SLC24A2: variants seen among roughly 807,000 people sequenced by gnomAD.
SLC24A2 encodes the protein solute carrier family 24 member 2.
SLC24A2 carries 36 observed loss-of-function variants against 62.0 expected under a neutral mutation model. That is an observed-to-expected ratio of 0.58 (90% confidence interval 0.44 to 0.77). The LOEUF is 0.77. Ranked by LOEUF, SLC24A2 falls within the 30% of genes least tolerant of loss-of-function variation. SLC24A2 has a pLI of 0.00. For synonymous variants in SLC24A2, 358 were observed against 294.0 expected (o/e 1.22, Z -2.23); for missense variants, 846 against 817.9 (o/e 1.03, Z -0.42).
chr9:19,717,688 T>C (rs1054524815), intron 2 of SLC24A2, among the ~76,000 whole-genome samples: 3 of 152,230 alleles, frequency 2.0e-5, no homozygotes, highest in African/African-American at 7.2e-5. Context: ...CCTAATCTAT[T>C]GCTTGAGATT....
At chr9:20,270,576 C>T in the SLC24A2 span, among the ~76,000 whole-genome samples, 1 of 152,136 alleles carries the variant, frequency 6.6e-6, no homozygotes, top group South Asian at 2.1e-4. Context: ...CAAGGTATTT[C>T]CCTAAAATAA....
intron 2 of SLC24A2, among the ~76,000 whole-genome samples, chr9:19,767,640 T>C (rs1229894565): frequency 6.6e-6 from 1 of 152,194 alleles, no homozygotes; most frequent in African/African-American, 2.4e-5. Flanking sequence ...ATGCACTGTC[T>C]AACCAGTCCC....
rs541510573 is a variant in SLC24A2 at position 19,508,445 on chromosome 9, G to A, written c.*7708C>T. 2 of 152,148 alleles carry A rather than the reference G, an allele frequency of 1.3e-5. No individual in the cohort carries two copies. The highest frequency in any genetic ancestry group is 4.8e-5 in the African/African-American group (2 of 41,430). 9.4% of individuals were successfully genotyped at this position (152,148 alleles called of 1,614,324 possible). ...TCTATATGGACAATTTAGGTACCCA[G>A]TTCTGGTGGATTTCTAGACTATTAA... On this transcript the variant is annotated 3_prime_UTR_variant, in exon 11 of 11. Transcript: ENST00000341998.
chr9:20,172,482 T>C, the SLC24A2 span, among the ~76,000 whole-genome samples: 2 of 151,464 alleles, frequency 1.3e-5, no homozygotes, highest in Non-Finnish European at 2.9e-5. Flanking sequence ...AAGAGAGAAA[T>C]CCAAATAAGC....
chr9:20,083,551 G>C, the SLC24A2 span, among the ~76,000 whole-genome samples: 3 of 152,242 alleles, frequency 2.0e-5, no homozygotes, highest in African/African-American at 4.8e-5. Flanking sequence ...TGCTGTACTA[G>C]AGATGCATTA....
chr9:19,983,986 T>A, the SLC24A2 span, among the ~76,000 whole-genome samples: 1 of 152,234 alleles, frequency 6.6e-6, no homozygotes, highest in African/African-American at 2.4e-5. Flanking sequence ...GTTATACGCA[T>A]TCAGTATGCT....
At chr9:20,227,648 T>C in the SLC24A2 span, among the ~76,000 whole-genome samples, 1 of 151,954 alleles carries the variant, frequency 6.6e-6, no homozygotes, top group Admixed American at 6.6e-5. Context: ...TCTGCCCTTC[T>C]ATGCCCTGCT....
chr9:19,662,624 T>C (rs955209892), intron 2 of SLC24A2, among the ~76,000 whole-genome samples: 1 of 152,206 alleles, frequency 6.6e-6, no homozygotes, highest in Non-Finnish European at 1.5e-5. Context: ...TACACTGAGA[T>C]GCTTGTAGTC....
intron 2 of SLC24A2, among the ~76,000 whole-genome samples, chr9:19,643,298 C>G (rs1191238735): frequency 6.6e-6 from 1 of 152,128 alleles, no homozygotes; most frequent in African/African-American, 2.4e-5. Context: ...CTGCAGAGAT[C>G]AAAGGACCCA....
the SLC24A2 span, among the ~76,000 whole-genome samples, chr9:20,022,295 T>C: frequency 1.3e-5 from 2 of 152,220 alleles, no homozygotes; most frequent in Admixed American, 1.3e-4. Flanking sequence ...CAAAAACTTA[T>C]TCAATCCTTA....
rs144233036 is a variant in SLC24A2 at position 19,673,673 on chromosome 9, C to T, written c.931-51374G>A. The stretch of plus-strand genomic sequence containing the variant: ...CTATGTTGGTCAGTCTGGTCTCGAA[C>T]TTCTGACCTCAAGTGATCCACCTGC... On this transcript the variant is annotated intron_variant, in intron 2 of 10. Coordinates refer to ENST00000341998, the MANE Select transcript of SLC24A2 (RefSeq NM_020344.4). 8.5e-3 allele frequency among the ~76,000 whole-genome samples: 1,302 copies of T among 152,294 alleles called. 30 individuals are homozygous for T. The highest frequency in any genetic ancestry group is 0.03 in the African/African-American group (1,232 of 41,554).
At chr9:20,048,839 G>A in the SLC24A2 span, among the ~76,000 whole-genome samples, 29 of 151,406 alleles carry the variant, frequency 1.9e-4, no homozygotes, top group African/African-American at 7.0e-4. Flanking sequence ...TTAGATCCAG[G>A]CCTTTCCCCA....
At chr9:19,590,000 T>G (rs1001500879) in intron 5 of SLC24A2, among the ~76,000 whole-genome samples, 2 of 152,166 alleles carry the variant, frequency 1.3e-5, no homozygotes, top group Admixed American at 6.6e-5. Context: ...GAGGCCTTCC[T>G]ATGCTGGGCT....
the SLC24A2 span, among the ~76,000 whole-genome samples, chr9:20,058,825 A>G: frequency 6.6e-6 from 1 of 152,204 alleles, no homozygotes; most frequent in Non-Finnish European, 1.5e-5. Context: ...TTCCACCCTG[A>G]TTTCCATTGT....
the SLC24A2 span, among the ~76,000 whole-genome samples, chr9:20,229,780 C>A: frequency 1.3e-5 from 2 of 151,676 alleles, no homozygotes; most frequent in Admixed American, 1.3e-4. Context: ...CTGTGCACAA[C>A]GTGCAGGTTT....
intron 2 of SLC24A2, among the ~76,000 whole-genome samples, chr9:19,662,500 G>A (rs1038364051): frequency 5.3e-5 from 8 of 152,292 alleles, no homozygotes; most frequent in African/African-American, 1.9e-4. Flanking sequence ...CTGTCAGTTT[G>A]AAATGATCAC....
At chr9:20,078,385 G>A in the SLC24A2 span, among the ~76,000 whole-genome samples, 1 of 147,060 alleles carries the variant, frequency 6.8e-6, no homozygotes, top group African/African-American at 2.5e-5. Flanking sequence ...AGCTGAGACT[G>A]CCCTACCCAC....
chr9:19,668,535 C>G (rs991321800), intron 2 of SLC24A2, among the ~76,000 whole-genome samples: 1 of 152,198 alleles, frequency 6.6e-6, no homozygotes, highest in South Asian at 2.1e-4. Flanking sequence ...AGTTCAAATG[C>G]TGTTGACTGT....
chr9:19,549,745 G>T (rs1428084842), intron 8 of SLC24A2, among the ~76,000 whole-genome samples: 2 of 152,138 alleles, frequency 1.3e-5, no homozygotes, highest in Admixed American at 6.5e-5. Context: ...TCTACTTCAG[G>T]CCACAGACAT....
Sources: allele counts gnomAD v4.1 joint callset (sites outside exome capture counted in the v4.1 genomes callset), GRCh38; gene constraint gnomAD v4.1.1; transcripts MANE v1.5; gene names NCBI Gene and HGNC (gene_info 2026-07-23, HGNC 2026-07-21).